Variants in GRIP1 observed in about 807,000 individuals in gnomAD.
The protein encoded by GRIP1 is glutamate receptor-interacting protein 1.
A neutral mutation model predicts 129.9 loss-of-function variants in GRIP1; 45 were observed. The observed-to-expected ratio is 0.35, with a 90% CI of 0.27 to 0.44. The LOEUF (loss-of-function observed/expected upper bound fraction) is 0.44. GRIP1 is among the 20% of genes least tolerant of loss of function. The pLI is 1.00. For synonymous variants in GRIP1, 530 were observed against 520.8 expected (o/e 1.02, Z -0.24); for missense variants, 1,196 against 1,396.8 (o/e 0.86, Z 2.29).
intron 1 of GRIP1, among the ~76,000 whole-genome samples, chr12:66,790,686 T>C (rs763662726): frequency 5.3e-5 from 8 of 152,096 alleles, no homozygotes; most frequent in Non-Finnish European, 1.2e-4. Flanking sequence ...AGAAAGGTAC[T>C]GGGAACATAT....
At chr12:66,894,353 T>C (rs959420512) in intron 1 of GRIP1, among the ~76,000 whole-genome samples, 27 of 152,302 alleles carry the variant, frequency 1.8e-4, no homozygotes, top group African/African-American at 6.3e-4. Flanking sequence ...CAAGCCAGCA[T>C]GTGTGTCTTG....
intron 1 of GRIP1, among the ~76,000 whole-genome samples, chr12:66,838,166 G>A (rs2039650565): frequency 7.0e-6 from 1 of 143,418 alleles, no homozygotes; most frequent in Non-Finnish European, 1.5e-5. Flanking sequence ...GCCTGGGCAG[G>A]TGACAGAGAA....
rs745472874 is a variant in GRIP1, at chr12:66,392,522, G to GT, written c.2270-21dup. ...ACTGGGCTTTATAGACAGGAAAGGAGTTTAAGTATCAGAGTAAATTTAAAT... is the reference window on the plus strand; with the variant it reads ...ACTGGGCTTTATAGACAGGAAAGGAGTTTTAAGTATCAGAGTAAATTTAAAT... On this transcript the variant is annotated intron_variant, in intron 18 of 24. Transcript: ENST00000359742. 1.2e-6 allele frequency: 2 copies of GT among 1,608,730 alleles called. No homozygotes were observed. Among genetic ancestry groups the GT allele is most frequent in the Non-Finnish European group, 1.7e-6 (2 of 1,175,162 alleles).
intron 23 of GRIP1, among the ~76,000 whole-genome samples, chr12:66,362,022 C>A (rs2054800017): frequency 6.6e-6 from 1 of 152,056 alleles, no homozygotes; most frequent in South Asian, 2.1e-4. Flanking sequence ...TTTATTTCCC[C>A]ACTGTAGAAA....
chr12:67,017,073 G>T, intron 1 of GRIP1, among the ~76,000 whole-genome samples: 1 of 152,134 alleles, frequency 6.6e-6, no homozygotes, highest in East Asian at 1.9e-4. Context: ...TCTGGGAAAG[G>T]CAAATAAGAC....
chr12:66,875,691 TTTTAC>T (rs1202964398), intron 1 of GRIP1, among the ~76,000 whole-genome samples: 4 of 152,040 alleles, frequency 2.6e-5, no homozygotes, highest in Non-Finnish European at 5.9e-5. Context: ...AACTTTGCAG[TTTTAC>T]TAAGATCAAT....
intron 1 of GRIP1, among the ~76,000 whole-genome samples, chr12:67,013,773 G>A (rs1169146740): frequency 6.6e-6 from 1 of 152,164 alleles, no homozygotes; most frequent in Non-Finnish European, 1.5e-5. Flanking sequence ...ATCTGGATGG[G>A]ATAGAGTCCC....
intron 15 of GRIP1, among the ~76,000 whole-genome samples, chr12:66,407,892 C>T (rs2057251815): frequency 6.6e-6 from 1 of 152,002 alleles, no homozygotes; most frequent in Non-Finnish European, 1.5e-5. Flanking sequence ...TGCAACACCC[C>T]TCCCCTAGCC....
At chr12:66,821,810 G>C (rs2039324118) in intron 1 of GRIP1, among the ~76,000 whole-genome samples, 1 of 152,168 alleles carries the variant, frequency 6.6e-6, no homozygotes, top group Non-Finnish European at 1.5e-5. Context: ...TCAGAATAGG[G>C]ATGGTGATTC....
chr12:66,980,615 A>G (rs2042230200), intron 1 of GRIP1, among the ~76,000 whole-genome samples: 1 of 152,228 alleles, frequency 6.6e-6, no homozygotes, highest in South Asian at 2.1e-4. Context: ...GTCTCAAAAG[A>G]AAAGAATATG....
At chr12:66,559,503 T>TA (rs956722091) in intron 2 of GRIP1, among the ~76,000 whole-genome samples, 12 of 152,092 alleles carry the variant, frequency 7.9e-5, no homozygotes, top group Admixed American at 2.6e-4. Flanking sequence ...AAAATCAACA[T>TA]AAAAAATCAG....
rs113907144 is a variant in GRIP1 at position 66,941,959 on chromosome 12, G to A, written c.58+127091C>T. Among the ~76,000 whole-genome samples the A allele has an allele frequency of 3.6e-3, 541 of 152,208 alleles. 4 individuals are homozygous for A. The highest frequency in any genetic ancestry group is 0.012 in the African/African-American group (513 of 41,518). On this transcript the variant is annotated intron_variant, in intron 1 of 1. Coordinates refer to the GRIP1 transcript ENST00000643019. ...CATGTCACATCTTAACCTAGGCCCT[G>A]TTGCAGGCACTACCCATAGAGGAAT...
chr12:66,453,041 A>G (rs1476503917), intron 11 of GRIP1, among the ~76,000 whole-genome samples: 1 of 152,228 alleles, frequency 6.6e-6, no homozygotes, highest in African/African-American at 2.4e-5. Flanking sequence ...GCCAATGTCT[A>G]CAGCAAACAC....
intron 7 of GRIP1, among the ~76,000 whole-genome samples, chr12:66,493,473 T>G (rs1271309079): frequency 2.0e-5 from 3 of 152,136 alleles, no homozygotes; most frequent in Non-Finnish European, 4.4e-5. Context: ...TAGACATCTG[T>G]TTTTTTGACT....
chr12:66,961,031 CTG>C (rs1338302469), intron 1 of GRIP1, among the ~76,000 whole-genome samples: 2 of 152,148 alleles, frequency 1.3e-5, no homozygotes, highest in Non-Finnish European at 2.9e-5. Context: ...AAAATTCCAT[CTG>C]TGTGTCCATA....
At chr12:66,841,352 T>G (rs1324937218) in intron 1 of GRIP1, among the ~76,000 whole-genome samples, 1 of 152,104 alleles carries the variant, frequency 6.6e-6, no homozygotes, top group Non-Finnish European at 1.5e-5. Context: ...ACAAATACAG[T>G]CATGTAATAA....
At chr12:66,578,233 T>TTTTTTTTC (rs1555210368) in intron 2 of GRIP1, among the ~76,000 whole-genome samples, 1 of 14,214 alleles carries the variant, frequency 7.0e-5, no homozygotes, top group Non-Finnish European at 1.5e-4. Context: ...AAAACCGCGG[T>TTTTTTTTC]TTTTTTTTTT....
chr12:66,349,110 G>C lies in GRIP1; in HGVS notation c.3296C>G (p.Pro1099Arg). 1 of 1,613,976 alleles carries C rather than the reference G, an allele frequency of 6.2e-7. No individual in the cohort carries two copies. Among genetic ancestry groups the C allele is most frequent in the Non-Finnish European group, 8.5e-7 (1 of 1,179,870 alleles). The change falls in exon 25 of 25, where the codon CCA (proline) becomes CGA (arginine). Residue 1099 changes from proline to arginine, a missense_variant. Transcript: ENST00000359742. Reference protein sequence around the residue: ...SQKSIDQQSLPGDWSEQNSAF... With the variant: ...SQKSIDQQSLRGDWSEQNSAF... ...ACTGTTCTGTTCACTCCAATCTCCT[G>C]GTAGACTCTGTTGGTCTATAGACTT... is the stretch of plus-strand genomic sequence containing the variant.
intron 9 of GRIP1, among the ~76,000 whole-genome samples, chr12:66,462,084 G>A (rs923065574): frequency 6.6e-6 from 1 of 152,156 alleles, no homozygotes; most frequent in Admixed American, 6.5e-5. Flanking sequence ...CCCAGCAAAT[G>A]TATCTGTGAA....
Sources: gnomAD v4.1 joint callset for allele counts (sites outside exome capture counted in the v4.1 genomes callset) on GRCh38, gnomAD v4.1.1 for gene constraint, MANE v1.5 for transcripts, NCBI Gene and HGNC (gene_info 2026-07-23, HGNC 2026-07-21) for gene names.